PGGT1B: variants seen among roughly 807,000 people sequenced by gnomAD.
The protein encoded by PGGT1B is protein geranylgeranyltransferase type I subunit beta, also known as geranylgeranyl transferase type-1 subunit beta.
In PGGT1B, 30 loss-of-function variants were observed where a neutral mutation model predicts 46.1. The ratio of observed to expected loss-of-function variants is 0.65; its 90% CI spans 0.49 to 0.88. The LOEUF is 0.88. PGGT1B is among the 40% of genes least tolerant of loss of function. The probability of loss-of-function intolerance (pLI) is 0.00; values close to 1 mark genes in which losing one functional copy is unlikely to be tolerated. For missense variants in PGGT1B, 376 were observed against 455.9 expected (o/e 0.82, Z 1.60); for synonymous variants, 170 against 160.0 (o/e 1.06, Z -0.47).
intron 2 of PGGT1B, among the ~76,000 whole-genome samples, chr5:115,244,709 G>A (rs1747735069): frequency 6.6e-6 from 1 of 151,806 alleles, no homozygotes; most frequent in Admixed American, 6.6e-5. Flanking sequence ...TCCTGCCTCA[G>A]CCTCCCAAAT....
Position 115,241,010 on chromosome 5 carries a change from C to T in PGGT1B, c.327+529G>A, listed in dbSNP as rs180946032. On this transcript the variant is annotated intron_variant, in intron 3 of 8. Coordinates refer to ENST00000419445, the MANE Select transcript of PGGT1B (RefSeq NM_005023.4). ...TATTGGCATGTGCTGGTATCAAGGCCTTTGGATATAACCATGAAGAAGTTC... is the reference window on the plus strand; with the variant it reads ...TATTGGCATGTGCTGGTATCAAGGCTTTTGGATATAACCATGAAGAAGTTC... Among the ~76,000 whole-genome samples the T allele has an allele frequency of 2.6e-5, 4 of 152,262 alleles. No homozygotes were observed. In the East Asian group the frequency reaches 7.7e-4, roughly 29 times the overall value.
intron 7 of PGGT1B, 89 bp downstream of exon 7, chr5:115,221,735 T>C: frequency 5.4e-6 from 4 of 734,282 alleles, no homozygotes; most frequent in Non-Finnish European, 8.4e-6. Flanking sequence ...CCTAACAATA[T>C]TTAATACACA....
rs1421479158 is a variant in PGGT1B, at chr5:115,211,241, TGAA to T, written c.*1158_*1160del. On this transcript the variant is annotated 3_prime_UTR_variant, in exon 9 of 9. Coordinates refer to ENST00000419445, the MANE Select transcript of PGGT1B (RefSeq NM_005023.4). ...GAGTTATTGATAAATTAATTACTAA[TGAA>T]GAGTTTTTATACTACCTCCTTTATA... is the stretch of plus-strand genomic sequence containing the variant. The T allele has an allele frequency of 6.6e-6, 1 of 152,046 alleles. No homozygotes were observed. The highest frequency in any genetic ancestry group is 2.4e-5 in the African/African-American group (1 of 41,438). The allele number at this position is 152,046 out of a possible 1,614,324, so 9.4% of individuals were successfully genotyped here. A position where few individuals can be genotyped will look rare whatever the true frequency, so the allele number is the denominator to read the frequency against.
chr5:115,262,390 T>C, intron 1 of PGGT1B: 1 of 332,696 alleles, frequency 3.0e-6, no homozygotes, highest in Non-Finnish European at 5.7e-6. Flanking sequence ...AACTTTGTCC[T>C]TTTCCTTTTA....
At chr5:115,215,974 G>A (rs577777270) in intron 8 of PGGT1B, among the ~76,000 whole-genome samples, 4 of 152,252 alleles carry the variant, frequency 2.6e-5, no homozygotes, top group African/African-American at 9.6e-5. Context: ...AACATATGTC[G>A]GGTGAGGTGT....
At chr5:115,231,848 T>C (rs1029174561) in intron 5 of PGGT1B, 5 of 152,228 alleles carry the variant, frequency 3.3e-5, no homozygotes, top group African/African-American at 1.2e-4. Flanking sequence ...AGCAGCATAT[T>C]AACCATAATT....
At chr5:115,225,906 C>A (rs1423815835) in intron 6 of PGGT1B, among the ~76,000 whole-genome samples, 1 of 151,982 alleles carries the variant, frequency 6.6e-6, no homozygotes, top group Non-Finnish European at 1.5e-5. Context: ...ACATCGGCCT[C>A]CCAAAGTGCT....
rs889110858 is a variant in PGGT1B at position 115,206,114 on chromosome 5, G to A, written c.*6288C>T. ...AATATTTAGTACCTCAGATCTTTAT[G>A]TATAGTATACATACATATATCTATT... On this transcript the variant is annotated 3_prime_UTR_variant, in exon 9 of 9. Coordinates refer to ENST00000419445, the MANE Select transcript of PGGT1B (RefSeq NM_005023.4). The A allele has an allele frequency of 6.6e-6, 1 of 151,706 alleles. No individual in the cohort carries two copies. Among genetic ancestry groups the A allele is most frequent in the Non-Finnish European group, 1.5e-5 (1 of 67,828 alleles). The allele number at this position is 151,706 out of a possible 1,614,324, so 9.4% of individuals were successfully genotyped here.
intron 6 of PGGT1B, among the ~76,000 whole-genome samples, chr5:115,224,481 T>C (rs1324146143): frequency 3.3e-5 from 5 of 152,210 alleles, no homozygotes; most frequent in African/African-American, 1.2e-4. Context: ...GTCTATGCTT[T>C]AACATTCATT....
At chr5:115,249,676 T>C (rs1197967096) in intron 2 of PGGT1B, among the ~76,000 whole-genome samples, 1 of 152,036 alleles carries the variant, frequency 6.6e-6, no homozygotes, top group South Asian at 2.1e-4. Flanking sequence ...TTGAAAAAGG[T>C]TGCTTTACGA....
At chr5:115,245,981 G>T (rs749461230) in intron 2 of PGGT1B, among the ~76,000 whole-genome samples, 1 of 152,112 alleles carries the variant, frequency 6.6e-6, no homozygotes, top group Admixed American at 6.5e-5. Flanking sequence ...ACTAAATTGA[G>T]TTATCAGTCA....
chr5:115,226,390 C>G (rs1756784106), intron 6 of PGGT1B, among the ~76,000 whole-genome samples: 1 of 152,034 alleles, frequency 6.6e-6, no homozygotes, highest in Non-Finnish European at 1.5e-5. Context: ...ATAAGGGACA[C>G]TCAACATGCA....
intron 6 of PGGT1B, among the ~76,000 whole-genome samples, chr5:115,229,071 T>C (rs1385700433): frequency 6.6e-6 from 1 of 152,094 alleles, no homozygotes; most frequent in Non-Finnish European, 1.5e-5. Flanking sequence ...TAGAAAGAGG[T>C]TTCACTTGCT....
chr5:115,239,361 T>C lies in PGGT1B; in HGVS notation c.328-1352A>G, dbSNP rs62383166. On this transcript the variant is annotated intron_variant, in intron 3 of 8. Transcript: ENST00000419445. ...GCCTGGCCAGATATGCAGTTCTTTA[T>C]ATGGTCTCACAAATGTACCAAGCAA... Among the ~76,000 whole-genome samples, 798 of 152,270 alleles carry C rather than the reference T, an allele frequency of 5.2e-3. 3 individuals carry two copies. Among genetic ancestry groups the C allele is most frequent in the Non-Finnish European group, 9.0e-3 (610 of 68,022 alleles).
At chr5:115,214,358 A>G (rs999974819) in intron 8 of PGGT1B, among the ~76,000 whole-genome samples, 1 of 152,196 alleles carries the variant, frequency 6.6e-6, no homozygotes, top group Admixed American at 6.5e-5. Flanking sequence ...ATGTGGAACT[A>G]TATGTTTACT....
chr5:115,249,969 A>C (rs183019522), intron 2 of PGGT1B, among the ~76,000 whole-genome samples: 1 of 152,254 alleles, frequency 6.6e-6, no homozygotes, highest in African/African-American at 2.4e-5. Context: ...TCTTTTGTTA[A>C]CTACTTAATA....
intron 2 of PGGT1B, among the ~76,000 whole-genome samples, chr5:115,244,544 TAAAA>T (rs970776890): frequency 6.8e-6 from 1 of 146,710 alleles, no homozygotes; most frequent in Non-Finnish European, 1.5e-5. Flanking sequence ...ATGCTATACT[TAAAA>T]AAAAAATAAA....
rs755759530 is a variant in PGGT1B at position 115,231,038 on chromosome 5, T to C, written c.613-17A>G. 8 of 1,456,732 alleles carry C rather than the reference T, an allele frequency of 5.5e-6. No individual in the cohort carries two copies. The highest frequency in any genetic ancestry group is 5.0e-5 in the South Asian group (4 of 79,986). 90.2% of individuals were successfully genotyped at this position (1,456,732 alleles called of 1,614,324 possible). ...GTCATAGGACTGAAAAAGAAAAACA[T>C]TGTTCAGTTTAATAGGGAAATAATA... On this transcript the variant is annotated splice_polypyrimidine_tract_variant and intron_variant, in intron 5 of 8. Coordinates refer to ENST00000419445, the MANE Select transcript of PGGT1B (RefSeq NM_005023.4).
chr5:115,238,290 G>A, intron 3 of PGGT1B, among the ~76,000 whole-genome samples: 1 of 72,040 alleles, frequency 1.4e-5, no homozygotes, highest in Non-Finnish European at 2.6e-5. Flanking sequence ...TATTTTTTTG[G>A]ATTTTTTTTT....
Sources: gnomAD v4.1 joint callset for allele counts (sites outside exome capture counted in the v4.1 genomes callset) on GRCh38, gnomAD v4.1.1 for gene constraint, MANE v1.5 for transcripts, NCBI Gene and HGNC (gene_info 2026-07-23, HGNC 2026-07-21) for gene names.